SCHIP1: variants seen among roughly 807,000 people sequenced by gnomAD.
SCHIP1 encodes the protein schwannomin interacting protein 1.
A neutral mutation model predicts 29.7 loss-of-function variants in SCHIP1; 8 were observed. The observed-to-expected ratio is 0.27, with a 90% confidence interval of 0.16 to 0.49. The LOEUF (loss-of-function observed/expected upper bound fraction) is 0.49, where lower values mean the gene tolerates loss of function less well. Among genes scored for constraint, SCHIP1 ranks in the 20% least tolerant of loss-of-function variants. SCHIP1 has a pLI of 0.99. For synonymous variants in SCHIP1, 76 were observed against 94.9 expected, an observed-to-expected ratio of 0.80 and a Z score of 1.16; for missense variants, 193 against 294.6, an observed-to-expected ratio of 0.66 and a Z score of 2.52.
At chr3:159,284,649 C>T in the SCHIP1 span, among the ~76,000 whole-genome samples, 2 of 151,942 alleles carry the variant, frequency 1.3e-5, no homozygotes, top group African/African-American at 4.8e-5. Flanking sequence ...CCACCACACT[C>T]GGCTAATTTT....
At chr3:159,390,162 A>C in the SCHIP1 span, among the ~76,000 whole-genome samples, 45 of 152,190 alleles carry the variant, frequency 3.0e-4, no homozygotes, top group African/African-American at 1.1e-3. Flanking sequence ...ATTTAGAACA[A>C]ACTTTGATGT....
At chr3:159,725,273 T>TTC in the SCHIP1 span, among the ~76,000 whole-genome samples, 175 of 139,728 alleles carry the variant, frequency 1.3e-3, no homozygotes, top group African/African-American at 4.9e-3. Flanking sequence ...TCTTTTTTCT[T>TTC]TTTTTTTTTT....
At chr3:159,488,202 G>A in the SCHIP1 span, among the ~76,000 whole-genome samples, 2 of 151,972 alleles carry the variant, frequency 1.3e-5, no homozygotes, top group Non-Finnish European at 2.9e-5. Flanking sequence ...GTAGTGGTGG[G>A]GCAGGAGTGG....
intron 1 of SCHIP1, among the ~76,000 whole-genome samples, chr3:159,843,352 T>G (rs1320960215): frequency 6.6e-6 from 1 of 152,126 alleles, no homozygotes; most frequent in Non-Finnish European, 1.5e-5. Flanking sequence ...TTATATTTAT[T>G]TATCGCCATT....
At chr3:159,520,761 C>A in the SCHIP1 span, among the ~76,000 whole-genome samples, 1 of 152,172 alleles carries the variant, frequency 6.6e-6, no homozygotes, top group East Asian at 1.9e-4. Context: ...TTAAAACATG[C>A]CATCAATCTA....
chr3:159,518,612 A>G, the SCHIP1 span, among the ~76,000 whole-genome samples: 2 of 152,106 alleles, frequency 1.3e-5, no homozygotes, highest in Admixed American at 6.5e-5. Flanking sequence ...TTTTCTACTC[A>G]TTAAGGACAC....
chr3:159,539,901 T>TTTTTGGTAGTCAATAATATA, the SCHIP1 span, among the ~76,000 whole-genome samples: 1 of 83,438 alleles, frequency 1.2e-5, no homozygotes, highest in East Asian at 5.5e-4. Context: ...ATGATTCCTC[T>TTTTTGGTAGTCAATAATATA]TTAGGAAATA....
chr3:159,473,157 CTT>C, the SCHIP1 span, among the ~76,000 whole-genome samples: 1 of 152,130 alleles, frequency 6.6e-6, no homozygotes, highest in Non-Finnish European at 1.5e-5. Flanking sequence ...GGCTAAATTA[CTT>C]ATTAAAGTCC....
At chr3:159,788,775 A>C in the SCHIP1 span, among the ~76,000 whole-genome samples, 1 of 152,218 alleles carries the variant, frequency 6.6e-6, no homozygotes, top group Non-Finnish European at 1.5e-5. Flanking sequence ...AAACATATGA[A>C]CATATGAACC....
At chr3:159,341,442 C>T in the SCHIP1 span, among the ~76,000 whole-genome samples, 5 of 152,152 alleles carry the variant, frequency 3.3e-5, no homozygotes, top group Non-Finnish European at 5.9e-5. Context: ...AATTACCCCT[C>T]ATACTGTGAC....
At chr3:159,558,540 G>C in the SCHIP1 span, among the ~76,000 whole-genome samples, 1 of 152,084 alleles carries the variant, frequency 6.6e-6, no homozygotes, top group Non-Finnish European at 1.5e-5. Context: ...AAGAATTCGA[G>C]GATTACGGAG....
the SCHIP1 span, among the ~76,000 whole-genome samples, chr3:159,528,346 A>G: frequency 1.3e-5 from 2 of 152,230 alleles, no homozygotes; most frequent in Admixed American, 6.5e-5. Context: ...TGTAACAGCC[A>G]GTAGCCTTCC....
At chr3:159,830,559 ATT>A in the SCHIP1 span, among the ~76,000 whole-genome samples, 1 of 152,162 alleles carries the variant, frequency 6.6e-6, no homozygotes, top group East Asian at 1.9e-4. Context: ...TCTCAGGTAA[ATT>A]TCTTATTTAT....
chr3:159,798,534 G>T, the SCHIP1 span, among the ~76,000 whole-genome samples: 1 of 151,968 alleles, frequency 6.6e-6, no homozygotes, highest in Non-Finnish European at 1.5e-5. Context: ...GAAGCGGGGG[G>T]ATCACTTGAG....
chr3:159,461,554 G>A, the SCHIP1 span, among the ~76,000 whole-genome samples: 12 of 151,924 alleles, frequency 7.9e-5, no homozygotes, highest in Non-Finnish European at 1.0e-4. Context: ...AAAATTATCC[G>A]GAAGTATATA....
chr3:159,289,028 C>A, the SCHIP1 span, among the ~76,000 whole-genome samples: 1 of 152,162 alleles, frequency 6.6e-6, no homozygotes, highest in Non-Finnish European at 1.5e-5. Context: ...CCATCTTTCC[C>A]ATTTACATCT....
chr3:159,731,515 G>GCT, the SCHIP1 span, among the ~76,000 whole-genome samples: 1 of 152,194 alleles, frequency 6.6e-6, no homozygotes. Context: ...TTTCGGAAGG[G>GCT]CTCTCTATCT....
In SCHIP1 at chr3:159,866,146, TTTTCTTGAAA is replaced by T; in HGVS notation, c.31-13_31-4del. The T allele has an allele frequency of 1.9e-6, 3 of 1,611,710 alleles. No individual in the cohort carries two copies. The highest frequency in any genetic ancestry group is 8.5e-7 in the Non-Finnish European group (1 of 1,178,602). ...TCTGCCCACTTATCAGCATTTTTTA[TTTTCTTGAAA>T]TTTTAGGCACAGAAAAATGAGAGAG... On this transcript the variant is annotated splice_polypyrimidine_tract_variant and splice_region_variant and intron_variant, in intron 1 of 6. Transcript: ENST00000445224.
chr3:159,713,267 AGAAAG>A, the SCHIP1 span, among the ~76,000 whole-genome samples: 19 of 150,942 alleles, frequency 1.3e-4, no homozygotes, highest in African/African-American at 4.6e-4. Flanking sequence ...AAAGAAAGAA[AGAAAG>A]AAAGAAAGAA....
Sources: gnomAD v4.1 joint callset for allele counts (sites outside exome capture counted in the v4.1 genomes callset) on GRCh38, gnomAD v4.1.1 for gene constraint, MANE v1.5 for transcripts, NCBI Gene and HGNC (gene_info 2026-07-23, HGNC 2026-07-21) for gene names.